Variants in VWA8 observed in about 807,000 individuals in gnomAD.
The protein encoded by VWA8 is von Willebrand factor A domain containing 8.
VWA8 carries 221 observed loss-of-function variants against 241.5 expected under a neutral mutation model. The observed-to-expected ratio is 0.91, with a 90% CI of 0.82 to 1.02. The LOEUF is 1.02. Among genes scored for constraint, VWA8 ranks in the 50% least tolerant of loss-of-function variants. The pLI is 0.00. For synonymous variants in VWA8, 852 were observed against 827.1 expected (o/e 1.03, Z -0.52); for missense variants, 2,322 against 2,328.7 (o/e 1.00, Z 0.06).
intron 35 of VWA8, among the ~76,000 whole-genome samples, chr13:41,682,091 T>C (rs2045103571): frequency 6.6e-6 from 1 of 152,204 alleles, no homozygotes; most frequent in East Asian, 1.9e-4. Context: ...GAATCTATAC[T>C]ACCTGGGTCA....
At chr13:41,578,663 T>C (rs1362430021) in intron 42 of VWA8, among the ~76,000 whole-genome samples, 1 of 152,164 alleles carries the variant, frequency 6.6e-6, no homozygotes, top group Non-Finnish European at 1.5e-5. Context: ...CATGCTTCCA[T>C]GGAGGAGCTA....
intron 9 of VWA8, among the ~76,000 whole-genome samples, chr13:41,871,394 T>C (rs1169692961): frequency 3.9e-5 from 6 of 152,080 alleles, no homozygotes; most frequent in African/African-American, 1.2e-4. Context: ...CATGCTGGTG[T>C]GCTGCACCCA....
At chr13:41,815,767 C>T (rs1870663509) in intron 16 of VWA8, among the ~76,000 whole-genome samples, 1 of 152,136 alleles carries the variant, frequency 6.6e-6, no homozygotes, top group African/African-American at 2.4e-5. Flanking sequence ...CAGGAAATTA[C>T]TAGAGAGTCA....
intron 17 of VWA8, among the ~76,000 whole-genome samples, chr13:41,800,840 T>C: frequency 6.6e-6 from 1 of 151,720 alleles, no homozygotes; most frequent in Non-Finnish European, 1.5e-5. Flanking sequence ...TCCATTAAAT[T>C]TCCCACTCCA....
Position 41,611,558 on chromosome 13 carries a change from T to TA in VWA8, c.4877+17_4877+18insT. Reference sequence around the variant, plus strand: ...ACCATAGCAGTAGTGCTGGTCTAAATGTGATGGGAGCACTGACCTCTGCTG... The same window carrying TA: ...ACCATAGCAGTAGTGCTGGTCTAAATAGTGATGGGAGCACTGACCTCTGCTG... On this transcript the variant is annotated intron_variant, in intron 39 of 44. Transcript: ENST00000379310. The TA allele has an allele frequency of 6.2e-7, 1 of 1,613,490 alleles. No homozygotes were observed. The highest frequency in any genetic ancestry group is 8.5e-7 in the Non-Finnish European group (1 of 1,179,568).
chr13:41,854,361 G>A (rs577448000), intron 12 of VWA8, among the ~76,000 whole-genome samples: 4 of 151,970 alleles, frequency 2.6e-5, no homozygotes, highest in African/African-American at 9.7e-5. Context: ...GAGAATATAC[G>A]TGAAACAACA....
chr13:41,570,715 A>AAAAG lies in VWA8; in HGVS notation c.5371-13_5371-10dup. 2 of 1,605,818 alleles carry AAAAG rather than the reference A, an allele frequency of 1.2e-6. No homozygotes were observed. The highest frequency in any genetic ancestry group is 1.7e-6 in the Non-Finnish European group (2 of 1,173,874). On this transcript the variant is annotated splice_polypyrimidine_tract_variant and intron_variant, in intron 43 of 44. Transcript: ENST00000379310. ...GAGTGGGCATGCATTGTCTGGAGGT[A>AAAAG]AAAGAAGTTGCACAAAAGCCATGGC...
At chr13:41,802,985 G>C (rs1870024092) in intron 17 of VWA8, among the ~76,000 whole-genome samples, 1 of 152,232 alleles carries the variant, frequency 6.6e-6, no homozygotes, top group African/African-American at 2.4e-5. Flanking sequence ...CCATTTGTTT[G>C]AGGGAAAGTA....
chr13:41,692,732 G>T, intron 30 of VWA8, 130 bp downstream of exon 30: 2 of 615,438 alleles, frequency 3.2e-6, no homozygotes, highest in Non-Finnish European at 5.8e-6. Context: ...ATCTATACGT[G>T]CATAACAGGA....
chr13:41,704,914 A>T (rs2045273128), intron 26 of VWA8, among the ~76,000 whole-genome samples: 1 of 152,220 alleles, frequency 6.6e-6, no homozygotes, highest in Admixed American at 6.5e-5. Flanking sequence ...CCTTGGAATG[A>T]GTTTGATGAT....
At position 41,721,524 on chromosome 13, in the gene VWA8, A is replaced by G. The variant is rs1475646384; in HGVS notation, c.2810T>C (p.Leu937Pro). 1 of 1,613,816 alleles carries G rather than the reference A, an allele frequency of 6.2e-7. No individual in the cohort carries two copies. Among genetic ancestry groups the G allele is most frequent in the South Asian group, 1.1e-5 (1 of 91,072 alleles). Residue 937 changes from leucine to proline, a missense_variant, in exon 25 of 45, where the codon CTC (leucine) becomes CCC (proline). Physicochemically the swap from Leu to Pro is moderately conservative, Grantham distance 98 (BLOSUM62 -3). Transcript: ENST00000379310. Reference sequence around the variant, plus strand: ...TGGTCCATACTGTCTGAGCATCTCGAGCTCCGAGTGGGGTTTGGGGTTATC... The same window carrying G: ...TGGTCCATACTGTCTGAGCATCTCGGGCTCCGAGTGGGGTTTGGGGTTATC... ...AVDNPKPHSELEMLRQYGPNV... is the reference protein window; with the variant it reads ...AVDNPKPHSEPEMLRQYGPNV...
At chr13:41,938,636 G>C (rs1466613323) in intron 2 of VWA8, among the ~76,000 whole-genome samples, 2 of 150,288 alleles carry the variant, frequency 1.3e-5, no homozygotes, top group East Asian at 3.9e-4. Flanking sequence ...GAGTGACAGA[G>C]TGAGACTGCG....
At chr13:41,640,503 C>A (rs1177164904) in intron 37 of VWA8, among the ~76,000 whole-genome samples, 1 of 152,182 alleles carries the variant, frequency 6.6e-6, no homozygotes, top group Non-Finnish European at 1.5e-5. Flanking sequence ...GGAAATAAAT[C>A]AGTCTAGCAA....
chr13:41,728,440 AT>A (rs1382652854), intron 23 of VWA8, among the ~76,000 whole-genome samples: 1 of 152,090 alleles, frequency 6.6e-6, no homozygotes, highest in African/African-American at 2.4e-5. Flanking sequence ...CTACAATCAT[AT>A]TTGAGTGTAA....
chr13:41,944,551 G>C (rs947899527), intron 2 of VWA8, among the ~76,000 whole-genome samples: 1 of 152,050 alleles, frequency 6.6e-6, no homozygotes, highest in African/African-American at 2.4e-5. Flanking sequence ...GGCCTCAAGC[G>C]ATCATCCCAC....
At chr13:41,574,354 A>ATACT (rs1221951327) in intron 43 of VWA8, among the ~76,000 whole-genome samples, 1 of 152,196 alleles carries the variant, frequency 6.6e-6, no homozygotes, top group Non-Finnish European at 1.5e-5. Context: ...CCCTAGGAAT[A>ATACT]TACTTAACCA....
At chr13:41,770,862 T>C (rs2045816766) in intron 20 of VWA8, among the ~76,000 whole-genome samples, 1 of 149,396 alleles carries the variant, frequency 6.7e-6, no homozygotes. Context: ...TACCAGACTG[T>C]TATTTTGTAA....
intron 21 of VWA8, among the ~76,000 whole-genome samples, chr13:41,736,234 A>C (rs1385295551): frequency 6.6e-6 from 1 of 152,218 alleles, no homozygotes; most frequent in Non-Finnish European, 1.5e-5. Flanking sequence ...CTCACTTTTT[A>C]CTATCTTACA....
chr13:41,856,173 T>G (rs919834900), intron 12 of VWA8, among the ~76,000 whole-genome samples: 1 of 151,724 alleles, frequency 6.6e-6, no homozygotes, highest in Non-Finnish European at 1.5e-5. Context: ...CCATCGCTAC[T>G]AAAAATACAA....
Sources: gnomAD v4.1 joint callset for allele counts (sites outside exome capture counted in the v4.1 genomes callset) on GRCh38, gnomAD v4.1.1 for gene constraint, MANE v1.5 for transcripts, NCBI Gene and HGNC (gene_info 2026-07-23, HGNC 2026-07-21) for gene names.